PPP1R2: variants seen among roughly 807,000 people sequenced by gnomAD.
PPP1R2 encodes the protein protein phosphatase 1 regulatory inhibitor subunit 2.
In PPP1R2, 16 loss-of-function variants were observed where a neutral mutation model predicts 29.9. The observed-to-expected ratio is 0.53, with a 90% confidence interval of 0.36 to 0.81. PPP1R2 has a LOEUF of 0.81. PPP1R2 is among the 30% of genes least tolerant of loss of function. The pLI is 0.00. For synonymous variants in PPP1R2, 76 were observed against 91.5 expected, an observed-to-expected ratio of 0.83 and a Z score of 0.96; for missense variants, 197 against 252.7, an observed-to-expected ratio of 0.78 and a Z score of 1.49.
Position 195,537,481 on chromosome 3 carries a change from T to TTGTGTGTGTGTGTGTGTGTGTGTGTG in PPP1R2, c.122+5397_122+5422dup, listed in dbSNP as rs71180930. 5.7e-3 allele frequency among the ~76,000 whole-genome samples: 727 copies of TTGTGTGTGTGTGTGTGTGTGTGTGTG among 128,494 alleles called. 7 individuals are homozygous for TTGTGTGTGTGTGTGTGTGTGTGTGTG. The highest frequency in any genetic ancestry group is 6.5e-3 in the Non-Finnish European group (401 of 61,618). The allele number at this position is 128,494 out of a possible 152,430, so 84.3% of individuals were successfully genotyped here. A position where few individuals can be genotyped will look rare whatever the true frequency, so the allele number is the denominator to read the frequency against. ...ACCAAACCATTGCTAGGATTAGCTATTGTGTGTGTGTGTGTGTGTGTGTGT... is the reference window on the plus strand; with the variant it reads ...ACCAAACCATTGCTAGGATTAGCTATTGTGTGTGTGTGTGTGTGTGTGTGTGTGTGTGTGTGTGTGTGTGTGTGTGT... On this transcript the variant is annotated intron_variant, in intron 1 of 5. Transcript: ENST00000618156.
At position 195,515,485 on chromosome 3, in the gene PPP1R2, A is replaced by C. The variant is rs1718511572; in HGVS notation, c.*1411T>G. On this transcript the variant is annotated 3_prime_UTR_variant, in exon 6 of 6. Coordinates refer to ENST00000618156, the MANE Select transcript of PPP1R2 (RefSeq NM_006241.8). Reference sequence around the variant, plus strand: ...AACAGATTATTTTGGTACTAACAAAAGTTGTACACAATTCATCAATTGTAT... The same window carrying C: ...AACAGATTATTTTGGTACTAACAAACGTTGTACACAATTCATCAATTGTAT... 1 of 152,638 alleles carries C rather than the reference A, an allele frequency of 6.6e-6. No homozygotes were observed. The highest frequency in any genetic ancestry group is 6.5e-5 in the Admixed American group (1 of 15,280). The allele number at this position is 152,638 out of a possible 1,614,324, so 9.5% of individuals were successfully genotyped here. A position where few individuals can be genotyped will look rare whatever the true frequency, so the allele number is the denominator to read the frequency against.
Position 195,518,068 on chromosome 3 carries a change from T to C in PPP1R2, c.571+950A>G, listed in dbSNP as rs554125646. 5.9e-5 allele frequency among the ~76,000 whole-genome samples: 9 copies of C among 152,252 alleles called. No homozygotes were observed. The South Asian group carries it at 1.7e-3, about 28-fold the overall frequency. ...TACGCCTCCACTGAAAAGTATGAAG[T>C]TTGTAAGTACAAGGAGTAGGTGGTG... On this transcript the variant is annotated intron_variant, in intron 5 of 5. Transcript: ENST00000618156.
rs1224205461 is a variant in PPP1R2, at chr3:195,515,308, C to A, written c.*1588G>T. 1 of 152,758 alleles carries A rather than the reference C, an allele frequency of 6.5e-6. No homozygotes were observed. The highest frequency in any genetic ancestry group is 2.4e-5 in the African/African-American group (1 of 41,444). 9.5% of individuals were successfully genotyped at this position (152,758 alleles called of 1,614,324 possible). On this transcript the variant is annotated 3_prime_UTR_variant, in exon 6 of 6. Coordinates refer to ENST00000618156, the MANE Select transcript of PPP1R2 (RefSeq NM_006241.8). ...CAAAATAATGGCCACATTCTTCTAACAGCAAGGAATTCTCCCACTTTTTAT... is the reference window on the plus strand; with the variant it reads ...CAAAATAATGGCCACATTCTTCTAAAAGCAAGGAATTCTCCCACTTTTTAT...
Position 195,519,102 on chromosome 3 carries a change from T to C in PPP1R2, c.487A>G (p.Lys163Glu). 1.9e-6 allele frequency: 3 copies of C among 1,612,492 alleles called. No homozygotes were observed. Among genetic ancestry groups the C allele is most frequent in the Non-Finnish European group, 2.5e-6 (3 of 1,178,830 alleles). ...TCTTCATCATCATCATGTAGGTCTT[T>C]TGAAATTAATTGTCTGGCTAGTTTG... Reference protein sequence around the residue: ...NIKLARQLISKDLHDDDEDEE... With the variant: ...NIKLARQLISEDLHDDDEDEE... Residue 163 changes from lysine (K) to glutamate (E), a missense_variant, in exon 5 of 6, where the codon AAA becomes GAA. Physicochemically the swap from Lys to Glu is moderately conservative, Grantham distance 56. Around this residue, in one of 3 missense-constraint regions of PPP1R2, gnomAD observed 135 missense variants for 163.0 expected, o/e 0.83. Transcript: ENST00000618156.
intron 2 of PPP1R2, among the ~76,000 whole-genome samples, chr3:195,527,316 A>C (rs1435986899): frequency 6.6e-6 from 1 of 151,624 alleles, no homozygotes; most frequent in Non-Finnish European, 1.5e-5. Flanking sequence ...CAGGCGTGGT[A>C]GTGGGTGCCT....
At position 195,519,197 on chromosome 3, in the gene PPP1R2, A is replaced by G. The variant is rs1251589767; in HGVS notation, c.404-12T>C. ...TTGTCGCTTTTTTTCTATAAGATGCAAAATGTAAACTTAGGAAGTTTGAGC... is the reference window on the plus strand; with the variant it reads ...TTGTCGCTTTTTTTCTATAAGATGCGAAATGTAAACTTAGGAAGTTTGAGC... On this transcript the variant is annotated splice_polypyrimidine_tract_variant and intron_variant, in intron 4 of 5. Transcript: ENST00000618156. 9 of 1,584,102 alleles carry G rather than the reference A, an allele frequency of 5.7e-6. No homozygotes were observed. Among genetic ancestry groups the G allele is most frequent in the Non-Finnish European group, 7.7e-6 (9 of 1,164,126 alleles).
chr3:195,540,007 G>A (rs1393144102), intron 1 of PPP1R2, among the ~76,000 whole-genome samples: 2 of 152,120 alleles, frequency 1.3e-5, no homozygotes, highest in East Asian at 1.9e-4. Context: ...TCACAACTGG[G>A]GGATGGGTAG....
chr3:195,534,440 T>C (rs1719297728), intron 1 of PPP1R2, among the ~76,000 whole-genome samples: 1 of 152,126 alleles, frequency 6.6e-6, no homozygotes, highest in South Asian at 2.1e-4. Flanking sequence ...CATTTATTTA[T>C]AAGAAAAGAG....
intron 1 of PPP1R2, among the ~76,000 whole-genome samples, chr3:195,539,617 G>C (rs1719517505): frequency 6.6e-6 from 1 of 152,186 alleles, no homozygotes; most frequent in Admixed American, 6.5e-5. Flanking sequence ...AGGAGATGGA[G>C]GCTGCAGTGC....
intron 1 of PPP1R2, among the ~76,000 whole-genome samples, chr3:195,533,495 T>C (rs1719263300): frequency 6.6e-6 from 1 of 152,146 alleles, no homozygotes; most frequent in Non-Finnish European, 1.5e-5. Context: ...AAACCTTGAG[T>C]AACACCATGG....
intron 1 of PPP1R2, among the ~76,000 whole-genome samples, chr3:195,533,779 T>C (rs917437340): frequency 4.6e-5 from 7 of 152,218 alleles, no homozygotes; most frequent in Non-Finnish European, 1.0e-4. Flanking sequence ...GCATCTTTTA[T>C]GTGAGTGCAG....
intron 2 of PPP1R2, among the ~76,000 whole-genome samples, chr3:195,525,320 A>G (rs1056636268): frequency 1.1e-4 from 16 of 152,238 alleles, no homozygotes; most frequent in African/African-American, 3.9e-4. Context: ...CACAGAGATG[A>G]TTTAACACAT....
rs181841586 is a variant in PPP1R2, at chr3:195,521,501, G to A, written c.403+2191C>T. ...TTCTGATTTCCTTCATGTTTTCAAT[G>A]TTTCTTTTGGTTTGTTTTTATTTTG... On this transcript the variant is annotated intron_variant, in intron 4 of 5. Transcript: ENST00000618156. Among the ~76,000 whole-genome samples, 3 of 151,484 alleles carry A rather than the reference G, an allele frequency of 2.0e-5. No homozygotes were observed. The East Asian group carries it at 5.8e-4, about 29-fold the overall frequency.
intron 1 of PPP1R2, among the ~76,000 whole-genome samples, chr3:195,540,544 T>C (rs371954186): frequency 3.3e-5 from 5 of 152,222 alleles, no homozygotes; most frequent in South Asian, 2.1e-4. Context: ...ACGTTGAAAC[T>C]TGATCTCCAA....
intron 1 of PPP1R2, 75 bp from the exon 2 acceptor site, chr3:195,529,976 C>T: frequency 4.9e-6 from 5 of 1,022,536 alleles, no homozygotes; most frequent in Admixed American, 2.5e-5. Context: ...CACAAATGTC[C>T]AAATTTAACA....
At chr3:195,530,314 T>G (rs1719130638) in intron 1 of PPP1R2, among the ~76,000 whole-genome samples, 1 of 152,238 alleles carries the variant, frequency 6.6e-6, no homozygotes, top group African/African-American at 2.4e-5. Flanking sequence ...TGGCATAATT[T>G]CTTTCTGGGA....
intron 1 of PPP1R2, among the ~76,000 whole-genome samples, chr3:195,539,701 C>T (rs1050004730): frequency 5.3e-5 from 8 of 152,108 alleles, no homozygotes; most frequent in South Asian, 2.1e-4. Flanking sequence ...CAAAAAAAGA[C>T]GTAAGCACTA....
rs1262015520 is a variant in PPP1R2, at chr3:195,538,003, C to T, written c.122+4901G>A. ...TAACATTAGTTGTGGAATAGCAAAACCCAAGGAGTGAGCCTGAGCTTAATC... is the reference window on the plus strand; with the variant it reads ...TAACATTAGTTGTGGAATAGCAAAATCCAAGGAGTGAGCCTGAGCTTAATC... On this transcript the variant is annotated intron_variant, in intron 1 of 5. Transcript: ENST00000618156. 2.0e-5 allele frequency among the ~76,000 whole-genome samples: 3 copies of T among 152,170 alleles called. No homozygotes were observed. In the East Asian group the frequency reaches 5.8e-4, roughly 29 times the overall value.
In PPP1R2 at chr3:195,520,419, G is replaced by A. The variant is rs1718711295; in HGVS notation, c.404-1234C>T. On this transcript the variant is annotated intron_variant, in intron 4 of 5. Transcript: ENST00000618156. ...ATCCCAGGAGTTCAAGACCAGCCTG[G>A]GCAACATGGCAAGAACCTATCTCTA... Among the ~76,000 whole-genome samples, 3 of 152,056 alleles carry A rather than the reference G, an allele frequency of 2.0e-5. No individual in the cohort carries two copies. The South Asian group carries it at 6.2e-4, about 32-fold the overall frequency.
Sources: allele counts gnomAD v4.1 joint callset (sites outside exome capture counted in the v4.1 genomes callset), GRCh38; gene constraint gnomAD v4.1.1; regional missense constraint gnomAD v4.1.1; transcripts MANE v1.5; gene names NCBI Gene and HGNC (gene_info 2026-07-23, HGNC 2026-07-21).